Variants in RALYL observed in about 807,000 individuals in gnomAD.
RALYL encodes the protein RALY RNA binding protein like.
Under a neutral mutation model 35.1 loss-of-function variants are expected in RALYL, and 29 were observed. The observed-to-expected ratio is 0.83, with a 90% confidence interval of 0.61 to 1.13. The LOEUF is 1.13. Ranked by LOEUF, RALYL falls within the 50% of genes most tolerant of loss-of-function variation. The pLI is 0.00. For synonymous variants in RALYL, 120 were observed against 127.6 expected, an observed-to-expected ratio of 0.94 and a Z score of 0.40; for missense variants, 359 against 360.4, an observed-to-expected ratio of 1.00 and a Z score of 0.03.
In RALYL at chr8:84,774,636, C is replaced by G; in HGVS notation, c.314C>G (p.Pro105Arg). 1 of 1,608,586 alleles carries G rather than the reference C, an allele frequency of 6.2e-7. No homozygotes were observed. Among genetic ancestry groups the G allele is most frequent in the Non-Finnish European group, 8.5e-7 (1 of 1,176,952 alleles). Reference protein sequence around the residue: ...PYRPKPGNKRPLSALYRLESK... With the variant: ...PYRPKPGNKRRLSALYRLESK... ...AGACCAAAACCTGGAAACAAGAGGCCCCTTTCTGCACTTTACAGGTAAGTA... is the reference window on the plus strand; with the variant it reads ...AGACCAAAACCTGGAAACAAGAGGCGCCTTTCTGCACTTTACAGGTAAGTA... The change falls in exon 3 of 9, where the codon CCC (proline) becomes CGC (arginine). Residue 105 changes from proline to arginine, a missense_variant. By Grantham distance (103) the Pro-to-Arg change is moderately radical. Transcript: ENST00000521268.
chr8:84,699,029 GATAGAT>G (rs1839717694), intron 2 of RALYL, among the ~76,000 whole-genome samples: 1 of 151,920 alleles, frequency 6.6e-6, no homozygotes, highest in African/African-American at 2.4e-5. Flanking sequence ...TAGATAGATA[GATAGAT>G]AGATAGATAG....
At chr8:84,621,303 C>T (rs1821380442) in intron 2 of RALYL, among the ~76,000 whole-genome samples, 1 of 152,174 alleles carries the variant, frequency 6.6e-6, no homozygotes, top group Admixed American at 6.5e-5. Context: ...TCGTGGTCTG[C>T]CATTTTTTAA....
intron 3 of RALYL, among the ~76,000 whole-genome samples, chr8:84,784,572 T>C (rs1378538408): frequency 6.6e-6 from 1 of 152,216 alleles, no homozygotes; most frequent in Non-Finnish European, 1.5e-5. Context: ...ATTTTTAATG[T>C]TAATTATGAA....
intron 2 of RALYL, among the ~76,000 whole-genome samples, chr8:84,642,128 C>T (rs1002576086): frequency 3.9e-5 from 6 of 151,908 alleles, no homozygotes; most frequent in East Asian, 3.9e-4. Flanking sequence ...TACATCTAAT[C>T]GCATGTATAC....
chr8:84,417,227 A>G (rs757768788), intron 1 of RALYL, among the ~76,000 whole-genome samples: 2 of 152,078 alleles, frequency 1.3e-5, no homozygotes, highest in Non-Finnish European at 2.9e-5. Flanking sequence ...TTTTTAAGAT[A>G]CTGTTGGAGA....
At chr8:84,276,584 A>T (rs1299291402) in intron 1 of RALYL, among the ~76,000 whole-genome samples, 2 of 152,198 alleles carry the variant, frequency 1.3e-5, no homozygotes, top group Non-Finnish European at 2.9e-5. Flanking sequence ...TGGAAAGTTT[A>T]TTGAGAGGCA....
At chr8:84,317,988 T>G (rs761988188) in intron 1 of RALYL, among the ~76,000 whole-genome samples, 1 of 152,178 alleles carries the variant, frequency 6.6e-6, no homozygotes, top group Non-Finnish European at 1.5e-5. Flanking sequence ...TAAATGCCAT[T>G]ACCTTCTATA....
intron 2 of RALYL, among the ~76,000 whole-genome samples, chr8:84,584,644 A>G (rs1811591877): frequency 1.3e-5 from 2 of 151,828 alleles, no homozygotes; most frequent in African/African-American, 4.8e-5. Flanking sequence ...ATAACATTTT[A>G]TTTGTTCTTA....
chr8:84,579,933 G>T (rs974548833), intron 2 of RALYL, among the ~76,000 whole-genome samples: 17 of 152,080 alleles, frequency 1.1e-4, no homozygotes, highest in African/African-American at 3.4e-4. Flanking sequence ...AGAAACTGAT[G>T]AAATTAATCT....
chr8:84,709,956 G>A (rs1841890531), intron 2 of RALYL, among the ~76,000 whole-genome samples: 1 of 152,056 alleles, frequency 6.6e-6, no homozygotes, highest in Non-Finnish European at 1.5e-5. Context: ...AGCTACATGG[G>A]AGGCTGAGGC....
chr8:84,801,568 C>A (rs1823274004), intron 3 of RALYL, among the ~76,000 whole-genome samples: 1 of 152,046 alleles, frequency 6.6e-6, no homozygotes, highest in Admixed American at 6.6e-5. Context: ...GCTTCAAGAT[C>A]AGCTTTAAGA....
At position 84,920,931 on chromosome 8, in the gene RALYL, C is replaced by G; in HGVS notation, c.*20C>G. On this transcript the variant is annotated 3_prime_UTR_variant, in exon 9 of 9. Transcript: ENST00000521268. The stretch of plus-strand genomic sequence containing the variant: ...AAGTGATCTGAAATAACGCATGATG[C>G]CACAAAGCAGAAAAGAGAAACTGTG... The G allele has an allele frequency of 7.0e-7, 1 of 1,432,562 alleles. No individual in the cohort carries two copies. The highest frequency in any genetic ancestry group is 9.3e-7 in the Non-Finnish European group (1 of 1,073,046). 88.7% of individuals were successfully genotyped at this position (1,432,562 alleles called of 1,614,324 possible). A position where few individuals can be genotyped will look rare whatever the true frequency, so the allele number is the denominator to read the frequency against.
intron 2 of RALYL, among the ~76,000 whole-genome samples, chr8:84,572,094 A>G (rs1385276682): frequency 6.6e-6 from 1 of 151,766 alleles, no homozygotes; most frequent in Non-Finnish European, 1.5e-5. Context: ...ATATTCTGTA[A>G]ATGTCCATTG....
chr8:84,339,462 G>A (rs1848386994), intron 1 of RALYL, among the ~76,000 whole-genome samples: 1 of 151,864 alleles, frequency 6.6e-6, no homozygotes, highest in African/African-American at 2.4e-5. Flanking sequence ...AATGCCTGAT[G>A]TTCTGTCATT....
At chr8:84,855,840 C>G (rs974564218) in intron 5 of RALYL, among the ~76,000 whole-genome samples, 3 of 152,008 alleles carry the variant, frequency 2.0e-5, no homozygotes, top group Admixed American at 2.0e-4. Context: ...AAACAAATGC[C>G]ACAGGTGTTT....
chr8:84,689,704 A>G (rs2132126492), intron 2 of RALYL, among the ~76,000 whole-genome samples: 1 of 152,242 alleles, frequency 6.6e-6, no homozygotes, highest in East Asian at 1.9e-4. Flanking sequence ...ACAGTGTAAA[A>G]GTGTTCCTAT....
intron 1 of RALYL, among the ~76,000 whole-genome samples, chr8:84,279,745 T>G (rs1836176760): frequency 6.6e-6 from 1 of 152,156 alleles, no homozygotes; most frequent in African/African-American, 2.4e-5. Context: ...CAACCTCTTA[T>G]TTCTGTCACC....
At chr8:84,779,616 T>A (rs187719466) in intron 3 of RALYL, among the ~76,000 whole-genome samples, 1 of 152,322 alleles carries the variant, frequency 6.6e-6, no homozygotes. Context: ...TTCAAGAGTC[T>A]TTAAGATTGT....
At chr8:84,263,938 A>T (rs537354025) in intron 1 of RALYL, among the ~76,000 whole-genome samples, 7 of 152,186 alleles carry the variant, frequency 4.6e-5, no homozygotes, top group Non-Finnish European at 8.8e-5. Flanking sequence ...TGCAAAGGAC[A>T]TGATCTCATT....
Sources: allele counts gnomAD v4.1 joint callset (sites outside exome capture counted in the v4.1 genomes callset), GRCh38; gene constraint gnomAD v4.1.1; transcripts MANE v1.5; gene names NCBI Gene and HGNC (gene_info 2026-07-23, HGNC 2026-07-21).